Variants in PTPRJ observed in about 807,000 individuals in gnomAD.
PTPRJ encodes the protein protein tyrosine phosphatase receptor type J, also known as receptor-type tyrosine-protein phosphatase eta.
In PTPRJ, 129 loss-of-function variants were observed where a neutral mutation model predicts 141.3. The ratio of observed to expected loss-of-function variants is 0.91; its 90% CI spans 0.79 to 1.06. The LOEUF (loss-of-function observed/expected upper bound fraction) is 1.06, where lower values mean the gene tolerates loss of function less well. Ranked by LOEUF, PTPRJ falls within the 50% of genes least tolerant of loss-of-function variation. The probability of loss-of-function intolerance (pLI) is 0.00; values close to 1 mark genes in which losing one functional copy is unlikely to be tolerated. For synonymous variants in PTPRJ, 610 were observed against 640.5 expected, an observed-to-expected ratio of 0.95 and a Z score of 0.72; for missense variants, 1,601 against 1,679.7, an observed-to-expected ratio of 0.95 and a Z score of 0.82.
intron 1 of PTPRJ, among the ~76,000 whole-genome samples, chr11:48,039,464 GGTGTGT>G (rs67338648): frequency 0.032 from 4,633 of 146,460 alleles, 68 homozygotes; most frequent in Middle Eastern, 0.052. Flanking sequence ...ACAACACTAT[GGTGTGT>G]GTGTGTGTGT....
intron 1 of PTPRJ, among the ~76,000 whole-genome samples, chr11:48,097,603 TCTCA>T (rs1856043929): frequency 6.6e-6 from 1 of 151,908 alleles, no homozygotes; most frequent in Non-Finnish European, 1.5e-5. Context: ...AGTGGCGTGA[TCTCA>T]GCTCACTGCA....
chr11:48,049,259 C>T (rs1184097313), intron 1 of PTPRJ, among the ~76,000 whole-genome samples: 3 of 152,148 alleles, frequency 2.0e-5, no homozygotes, highest in Non-Finnish European at 4.4e-5. Context: ...AAAATGTCTG[C>T]AGACATTGCC....
chr11:48,144,153 A>G (rs1209980455), intron 12 of PTPRJ, among the ~76,000 whole-genome samples: 1 of 152,198 alleles, frequency 6.6e-6, no homozygotes, highest in Admixed American at 6.5e-5. Context: ...CTGGGAGGAT[A>G]GAAATTTGCT....
intron 1 of PTPRJ, among the ~76,000 whole-genome samples, chr11:48,089,838 C>A (rs986815222): frequency 1.3e-5 from 2 of 152,170 alleles, no homozygotes; most frequent in Non-Finnish European, 2.9e-5. Flanking sequence ...CTGTTCCAGG[C>A]CTGGCTCTGC....
chr11:48,004,948 G>C lies in PTPRJ; in HGVS notation c.96+23940G>C, dbSNP rs563685362. 2.0e-5 allele frequency among the ~76,000 whole-genome samples: 3 copies of C among 152,134 alleles called. No homozygotes were observed. In the South Asian group the frequency reaches 6.2e-4, roughly 32 times the overall value. ...GAAAGTATACAGTTCAAAGCTGGGC[G>C]CAGTGGCTCATGCCTGTAATCTCAG... On this transcript the variant is annotated intron_variant, in intron 1 of 24. Coordinates refer to ENST00000418331, the MANE Select transcript of PTPRJ (RefSeq NM_002843.4).
Position 48,130,667 on chromosome 11 carries a change from A to G in PTPRJ, c.1566A>G (p.Lys522=). 2 of 1,614,108 alleles carry G rather than the reference A, an allele frequency of 1.2e-6. No individual in the cohort carries two copies. The highest frequency in any genetic ancestry group is 2.2e-5 in the East Asian group (1 of 44,876). The change falls in exon 8 of 25, where the codon AAA becomes AAG. Residue 522 remains lysine (K), a synonymous_variant. Coordinates refer to ENST00000418331, the MANE Select transcript of PTPRJ (RefSeq NM_002843.4). ...AGTATTGCTTTGAAATAGTTCCAAA[A>G]GGACCAAATGGGACTGAAGGGGCAT... ...GTKYCFEIVP[K]GPNGTEGASR... is the part of the protein sequence containing the mutation.
At chr11:48,067,181 C>T (rs557168171) in intron 1 of PTPRJ, among the ~76,000 whole-genome samples, 6 of 152,188 alleles carry the variant, frequency 3.9e-5, no homozygotes, top group African/African-American at 1.2e-4. Context: ...ATTAGGAGGC[C>T]TCCTGGAAAG....
chr11:48,076,641 A>G (rs542722536), intron 1 of PTPRJ, among the ~76,000 whole-genome samples: 11 of 152,186 alleles, frequency 7.2e-5, no homozygotes, highest in Non-Finnish European at 1.6e-4. Context: ...GCCTGTAGGA[A>G]TTGGCATCAA....
intron 1 of PTPRJ, among the ~76,000 whole-genome samples, chr11:48,058,126 G>C (rs1854810059): frequency 6.6e-6 from 1 of 152,054 alleles, no homozygotes. Flanking sequence ...TGACCAGGCT[G>C]GTCTTCAACT....
At chr11:48,052,761 C>T (rs953800585) in intron 1 of PTPRJ, among the ~76,000 whole-genome samples, 1 of 152,090 alleles carries the variant, frequency 6.6e-6, no homozygotes, top group Admixed American at 6.6e-5. Flanking sequence ...TAATACATGT[C>T]CTTCATGCAT....
At chr11:48,150,483 G>C (rs1024642065) in intron 18 of PTPRJ, among the ~76,000 whole-genome samples, 1 of 152,156 alleles carries the variant, frequency 6.6e-6, no homozygotes, top group Non-Finnish European at 1.5e-5. Context: ...TGTCTACCTT[G>C]GACTACTCCT....
At chr11:48,146,382 T>G (rs1250747944) in intron 14 of PTPRJ, among the ~76,000 whole-genome samples, 1 of 152,124 alleles carries the variant, frequency 6.6e-6, no homozygotes, top group East Asian at 1.9e-4. Context: ...CTTTCCTAGT[T>G]GGTGGTTGTT....
rs114905879 is a variant in PTPRJ at position 47,998,216 on chromosome 11, C to T, written c.96+17208C>T. 8.6e-3 allele frequency among the ~76,000 whole-genome samples: 1,312 copies of T among 151,714 alleles called. 27 individuals are homozygous for T. The highest frequency in any genetic ancestry group is 0.031 in the African/African-American group (1,267 of 41,326). On this transcript the variant is annotated intron_variant, in intron 1 of 24. Transcript: ENST00000418331. Reference sequence around the variant, plus strand: ...GTGCTGGGCTCTCATTTTATCCTTACAATTATTATGTTCATTTTAAAGACC... The same window carrying T: ...GTGCTGGGCTCTCATTTTATCCTTATAATTATTATGTTCATTTTAAAGACC...
At chr11:48,030,724 C>CA (rs1853957293) in intron 1 of PTPRJ, among the ~76,000 whole-genome samples, 1 of 152,036 alleles carries the variant, frequency 6.6e-6, no homozygotes, top group Admixed American at 6.6e-5. Context: ...GCCTGGGCAA[C>CA]AGAGCGAGAC....
intron 1 of PTPRJ, among the ~76,000 whole-genome samples, chr11:48,042,742 CTGTGTGTGTGTGTAGGGGTG>C (rs1854298797): frequency 6.9e-6 from 1 of 145,666 alleles, no homozygotes; most frequent in African/African-American, 2.6e-5. Flanking sequence ...TTTCTTTTGC[CTGTGTGTGTGTGTAGGGGTG>C]TGTGTGTGTG....
chr11:48,009,402 C>A (rs1246722722), intron 1 of PTPRJ, among the ~76,000 whole-genome samples: 1 of 152,146 alleles, frequency 6.6e-6, no homozygotes, highest in African/African-American at 2.4e-5. Context: ...TCGAGACCAT[C>A]CTGGCCAGTA....
intron 1 of PTPRJ, among the ~76,000 whole-genome samples, chr11:48,103,188 G>A (rs1231468009): frequency 6.6e-6 from 1 of 152,200 alleles, no homozygotes; most frequent in Admixed American, 6.5e-5. Flanking sequence ...TCAGGATGGA[G>A]TGTGGTGGCT....
chr11:48,036,863 C>T (rs1402889711), intron 1 of PTPRJ, among the ~76,000 whole-genome samples: 1 of 152,184 alleles, frequency 6.6e-6, no homozygotes, highest in South Asian at 2.1e-4. Flanking sequence ...TGCTTCTCAC[C>T]TGGGTAGTCT....
intron 3 of PTPRJ, among the ~76,000 whole-genome samples, chr11:48,119,048 T>C (rs888994859): frequency 1.5e-5 from 2 of 137,318 alleles, no homozygotes; most frequent in African/African-American, 5.3e-5. Flanking sequence ...AAAGAAATAA[T>C]GGTGCCATAC....
Sources: allele counts gnomAD v4.1 joint callset (sites outside exome capture counted in the v4.1 genomes callset), GRCh38; gene constraint gnomAD v4.1.1; transcripts MANE v1.5; gene names NCBI Gene and HGNC (gene_info 2026-07-23, HGNC 2026-07-21).